Variants in ANAPC5 observed in about 807,000 individuals in gnomAD.
The protein encoded by ANAPC5 is anaphase-promoting complex subunit 5.
A neutral mutation model predicts 91.3 loss-of-function variants in ANAPC5; 60 were observed. That is an observed-to-expected ratio of 0.66 (90% CI 0.53 to 0.81). The LOEUF is 0.81. Among genes scored for constraint, ANAPC5 ranks in the 40% least tolerant of loss-of-function variants. ANAPC5 has a pLI of 0.00. For missense variants in ANAPC5, 690 were observed against 931.5 expected, an observed-to-expected ratio of 0.74 and a Z score of 3.37; for synonymous variants, 340 against 364.1, an observed-to-expected ratio of 0.93 and a Z score of 0.75.
chr12:121,327,337 C>T lies in ANAPC5; in HGVS notation c.1305-106G>A, dbSNP rs886528197. On this transcript the variant is annotated intron_variant, in intron 10 of 16. Coordinates refer to ENST00000261819, the MANE Select transcript of ANAPC5 (RefSeq NM_016237.5). ...TGGAGGCGTAAAGTCATACACCTCA[C>T]AGGCTCTGGCTTTCTTGGGAGCAGA... 1.2e-5 allele frequency: 17 copies of T among 1,383,652 alleles called. No homozygotes were observed. In the African/African-American group the frequency reaches 1.8e-4, roughly 14 times the overall value. The allele number at this position is 1,383,652 out of a possible 1,614,324, so 85.7% of individuals were successfully genotyped here. A position where few individuals can be genotyped will look rare whatever the true frequency, so the allele number is the denominator to read the frequency against.
intron 5 of ANAPC5, among the ~76,000 whole-genome samples, chr12:121,338,345 T>G (rs943153854): frequency 3.3e-5 from 5 of 152,064 alleles, no homozygotes; most frequent in African/African-American, 1.2e-4. Context: ...ATCCCAGCAC[T>G]TTGGGAGGCC....
In ANAPC5 at chr12:121,335,573, C is replaced by T. The variant is rs782022766; in HGVS notation, c.910G>A (p.Ala304Thr). 2.7e-5 allele frequency: 44 copies of T among 1,613,120 alleles called. No homozygotes were observed. Among genetic ancestry groups the T allele is most frequent in the Non-Finnish European group, 3.6e-5 (42 of 1,179,298 alleles). The change falls in exon 7 of 17, where the codon GCT (alanine) becomes ACT (threonine). Residue 304 changes from alanine (A) to threonine (T), a missense_variant. Physicochemically the swap from Ala to Thr is moderately conservative, Grantham distance 58 (BLOSUM62 0). Around this residue, in one of 5 missense-constraint regions of ANAPC5, gnomAD observed 83 missense variants for 150.8 expected, o/e 0.55. Coordinates refer to ENST00000261819, the MANE Select transcript of ANAPC5 (RefSeq NM_016237.5). Reference protein sequence around the residue: ...EGYGRSLRYAALNLAALHCRF... With the variant: ...EGYGRSLRYATLNLAALHCRF... ...CAGTGCAGGGCGGCAAGATTCAGAGCGGCGTATCTCAAGCTCCGGCCATAG... is the reference window on the plus strand; with the variant it reads ...CAGTGCAGGGCGGCAAGATTCAGAGTGGCGTATCTCAAGCTCCGGCCATAG...
chr12:121,324,840 C>T (rs1332039929), intron 11 of ANAPC5, among the ~76,000 whole-genome samples: 2 of 152,110 alleles, frequency 1.3e-5, no homozygotes, highest in African/African-American at 4.8e-5. Context: ...TATGATTGTG[C>T]CACCGCACTC....
chr12:121,333,268 G>T (rs1184609897), intron 7 of ANAPC5: 2 of 152,060 alleles, frequency 1.3e-5, no homozygotes, highest in African/African-American at 4.8e-5. Flanking sequence ...GCAGTGAGTC[G>T]AGATCGAGCC....
At chr12:121,339,525 C>T (rs1270903086) in intron 5 of ANAPC5, among the ~76,000 whole-genome samples, 1 of 152,172 alleles carries the variant, frequency 6.6e-6, no homozygotes, top group Non-Finnish European at 1.5e-5. Flanking sequence ...AGCTGAAGTA[C>T]AGTGGCGAAA....
rs568132536 is a variant in ANAPC5 at position 121,327,255 on chromosome 12, T to C, written c.1305-24A>G. 6 of 1,609,360 alleles carry C rather than the reference T, an allele frequency of 3.7e-6. No individual in the cohort carries two copies. The African/African-American group carries it at 4.0e-5, about 11-fold the overall frequency. The stretch of plus-strand genomic sequence containing the variant: ...TGCTGGGTGGGGAGAGGGAACAGGA[T>C]TTCCTTTCAGCAGCAGACCTGGCTG... On this transcript the variant is annotated intron_variant, in intron 10 of 16. Transcript: ENST00000261819.
chr12:121,318,229 C>T, intron 15 of ANAPC5, 48 bp downstream of exon 15: 1 of 1,474,366 alleles, frequency 6.8e-7, no homozygotes. Flanking sequence ...CACAGACTCA[C>T]CAGCTCTTGA....
At chr12:121,319,879 A>G in intron 12 of ANAPC5, 61 bp from the exon 13 acceptor site, 1 of 1,480,648 alleles carries the variant, frequency 6.8e-7, no homozygotes, top group Non-Finnish European at 9.1e-7. Flanking sequence ...TAATGAGTAT[A>G]TGAAAGTATT....
At chr12:121,322,707 C>T (rs1402806505) in intron 11 of ANAPC5, among the ~76,000 whole-genome samples, 2 of 152,020 alleles carry the variant, frequency 1.3e-5, no homozygotes, top group Non-Finnish European at 2.9e-5. Flanking sequence ...GCATACTGGT[C>T]CAATTATTTC....
chr12:121,352,480 T>A (rs1903944228), upstream of ANAPC5: 1 of 695,778 alleles, frequency 1.4e-6, no homozygotes, highest in African/African-American at 1.8e-5. Context: ...CGGCATTTGT[T>A]AACCAATCAG....
At chr12:121,344,436 C>T (rs1453474877) in intron 4 of ANAPC5, among the ~76,000 whole-genome samples, 3 of 151,796 alleles carry the variant, frequency 2.0e-5, no homozygotes, top group Admixed American at 6.6e-5. Context: ...AAAATATTAG[C>T]GGGTGTGCTG....
intron 15 of ANAPC5, 105 bp downstream of exon 15, chr12:121,318,172 T>G: frequency 7.6e-7 from 1 of 1,319,558 alleles, no homozygotes; most frequent in Non-Finnish European, 9.9e-7. Context: ...GACGTCAATA[T>G]GAACAAATGA....
At chr12:121,320,300 G>A in intron 12 of ANAPC5, 85 bp downstream of exon 12, 1 of 1,285,842 alleles carries the variant, frequency 7.8e-7, no homozygotes, top group Non-Finnish European at 1.1e-6. Context: ...TTATTTTTCT[G>A]AGGGGAGATT....
In ANAPC5 at chr12:121,327,180, C is replaced by T; in HGVS notation, c.1356G>A (p.Glu452=). 6.2e-7 allele frequency: 1 copy of T among 1,613,682 alleles called. No individual in the cohort carries two copies. Among genetic ancestry groups the T allele is most frequent in the Non-Finnish European group, 8.5e-7 (1 of 1,180,002 alleles). ...AQMLLSMNSL[E]AVNAGVQQNN... is the part of the protein sequence containing the mutation. Reference sequence around the variant, plus strand: ...TCTGCTGCACGCCCGCATTCACCGCCTCCAGGCTGTTCATGCTCAGCAACA... The same window carrying T: ...TCTGCTGCACGCCCGCATTCACCGCTTCCAGGCTGTTCATGCTCAGCAACA... The change falls in exon 11 of 17, where the codon GAG becomes GAA. Residue 452 remains glutamate (E), a synonymous_variant. Coordinates refer to ENST00000261819, the MANE Select transcript of ANAPC5 (RefSeq NM_016237.5).
At chr12:121,317,488 G>A (rs1457656237) in intron 15 of ANAPC5, among the ~76,000 whole-genome samples, 2 of 151,870 alleles carry the variant, frequency 1.3e-5, no homozygotes, top group South Asian at 4.2e-4. Flanking sequence ...TCCTGACCTT[G>A]TGATCTGCCC....
intron 4 of ANAPC5, among the ~76,000 whole-genome samples, chr12:121,345,460 TG>T (rs1903628061): frequency 6.6e-6 from 1 of 152,098 alleles, no homozygotes; most frequent in African/African-American, 2.4e-5. Flanking sequence ...CTGATAACAG[TG>T]GGGTACCTTT....
At chr12:121,316,802 C>T (rs1265925143) in intron 15 of ANAPC5, among the ~76,000 whole-genome samples, 1 of 151,136 alleles carries the variant, frequency 6.6e-6, no homozygotes, top group African/African-American at 2.4e-5. Flanking sequence ...TGTAAAGAGC[C>T]GCTATTCATA....
intron 15 of ANAPC5, 67 bp downstream of exon 15, chr12:121,318,210 A>G (rs922875292): frequency 1.4e-6 from 2 of 1,437,654 alleles, no homozygotes; most frequent in Admixed American, 2.6e-5. Context: ...TTCAATACTC[A>G]AACGTAGTCA....
At chr12:121,329,220 C>G (rs1286440989) in intron 9 of ANAPC5, 3 of 152,268 alleles carry the variant, frequency 2.0e-5, no homozygotes, top group African/African-American at 4.8e-5. Flanking sequence ...GTGCAGCAAT[C>G]TCGGCTCACT....
Sources: allele counts gnomAD v4.1 joint callset (sites outside exome capture counted in the v4.1 genomes callset), GRCh38; gene constraint gnomAD v4.1.1; regional missense constraint gnomAD v4.1.1; transcripts MANE v1.5; gene names NCBI Gene and HGNC (gene_info 2026-07-23, HGNC 2026-07-21).